NEDD4L: variants seen among roughly 807,000 people sequenced by gnomAD.
NEDD4L encodes E3 ubiquitin-protein ligase NEDD4-like.
Under a neutral mutation model 148.9 loss-of-function variants are expected in NEDD4L, and 54 were observed. That is an observed-to-expected ratio of 0.36 (90% CI 0.29 to 0.45). The LOEUF is 0.45. Ranked by LOEUF, NEDD4L falls within the 20% of genes least tolerant of loss-of-function variation. The probability of loss-of-function intolerance (pLI) is 1.00; values close to 1 mark genes in which losing one functional copy is unlikely to be tolerated. For missense variants in NEDD4L, 856 were observed against 1,233.8 expected (o/e 0.69, Z 4.59); for synonymous variants, 433 against 440.7 (o/e 0.98, Z 0.22).
intron 1 of NEDD4L, among the ~76,000 whole-genome samples, chr18:58,116,521 T>G (rs1568238025): frequency 6.6e-6 from 1 of 152,166 alleles, no homozygotes. Context: ...GCAGCCTAAA[T>G]TTGGGGCCAG....
intron 2 of NEDD4L, among the ~76,000 whole-genome samples, chr18:58,206,465 C>T (rs1469895181): frequency 3.3e-5 from 5 of 152,114 alleles, no homozygotes; most frequent in Non-Finnish European, 2.9e-5. Flanking sequence ...CCAGCAACAT[C>T]GGTTTGAAGA....
At chr18:58,141,700 G>A (rs1184146034) in intron 1 of NEDD4L, among the ~76,000 whole-genome samples, 1 of 152,148 alleles carries the variant, frequency 6.6e-6, no homozygotes, top group East Asian at 1.9e-4. Context: ...CTAGTGTTAA[G>A]AATGCATGTA....
At position 58,044,739 on chromosome 18, in the gene NEDD4L, C is replaced by T. The variant is rs371239651; in HGVS notation, c.48+31C>T. The T allele has an allele frequency of 1.5e-3, 2,331 of 1,599,450 alleles. 2 individuals are homozygous for T. Among genetic ancestry groups the T allele is most frequent in the Admixed American group, 2.7e-3 (161 of 58,742 alleles). On this transcript the variant is annotated intron_variant, in intron 1 of 30. Coordinates refer to ENST00000400345, the MANE Select transcript of NEDD4L (RefSeq NM_001144967.3). ...TGGCACCCCCTTCCTGCTCGGGACTCCCCGGGGAGTTCCTATCCCGCGCCG... is the reference window on the plus strand; with the variant it reads ...TGGCACCCCCTTCCTGCTCGGGACTTCCCGGGGAGTTCCTATCCCGCGCCG...
In NEDD4L at chr18:58,086,524, C is replaced by G. The variant is rs557788900; in HGVS notation, c.48+41816C>G. ...ATGTAGGAAGACAAACCTTTACTTT[C>G]CAAAAATATTAGGGAAAAACTTTCA... On this transcript the variant is annotated intron_variant, in intron 1 of 30. Coordinates refer to ENST00000400345, the MANE Select transcript of NEDD4L (RefSeq NM_001144967.3). Among the ~76,000 whole-genome samples, 69 of 152,234 alleles carry G rather than the reference C, an allele frequency of 4.5e-4. 1 individual carries two copies. The highest frequency in any genetic ancestry group is 8.4e-4 in the Non-Finnish European group (57 of 68,024).
At chr18:58,057,808 C>T (rs1296675847) in intron 1 of NEDD4L, among the ~76,000 whole-genome samples, 1 of 152,178 alleles carries the variant, frequency 6.6e-6, no homozygotes, top group African/African-American at 2.4e-5. Context: ...ATCCCCACCA[C>T]ATCTGCCTTG....
chr18:58,171,706 C>T (rs2037527167), intron 2 of NEDD4L, among the ~76,000 whole-genome samples: 1 of 152,184 alleles, frequency 6.6e-6, no homozygotes, highest in Admixed American at 6.5e-5. Flanking sequence ...ACTTTTTTCT[C>T]ATTGTCATGG....
chr18:58,287,304 G>A (rs143130237), intron 5 of NEDD4L, among the ~76,000 whole-genome samples: 60 of 152,188 alleles, frequency 3.9e-4, no homozygotes, highest in East Asian at 2.7e-3. Context: ...CTTTACAGAC[G>A]AATAGAGGAC....
At chr18:58,174,150 A>G (rs144545689) in intron 2 of NEDD4L, among the ~76,000 whole-genome samples, 97 of 151,062 alleles carry the variant, frequency 6.4e-4, no homozygotes, top group African/African-American at 2.3e-3. Flanking sequence ...GTAGAATTTT[A>G]CTGAGCAATG....
chr18:58,179,410 A>C (rs2038567531), intron 2 of NEDD4L, among the ~76,000 whole-genome samples: 1 of 152,178 alleles, frequency 6.6e-6, no homozygotes, highest in African/African-American at 2.4e-5. Flanking sequence ...GCTAGGGACC[A>C]AAGAGTCGTC....
At chr18:58,187,080 G>A (rs2039558386) in intron 2 of NEDD4L, among the ~76,000 whole-genome samples, 2 of 152,194 alleles carry the variant, frequency 1.3e-5, no homozygotes, top group Non-Finnish European at 1.5e-5. Context: ...AGTGGAGAAG[G>A]CCACTCAGTA....
intron 2 of NEDD4L, among the ~76,000 whole-genome samples, chr18:58,241,507 T>C (rs1008333265): frequency 3.3e-5 from 5 of 150,286 alleles, no homozygotes; most frequent in African/African-American, 1.3e-4. Context: ...GGCAGTGGTA[T>C]CTGGATGGAC....
chr18:58,108,679 C>A (rs564249502), intron 1 of NEDD4L, among the ~76,000 whole-genome samples: 1 of 152,146 alleles, frequency 6.6e-6, no homozygotes, highest in Non-Finnish European at 1.5e-5. Flanking sequence ...CCTCGGCCCC[C>A]CAAAGTGTTG....
At chr18:58,219,249 C>G (rs2043474429) in intron 2 of NEDD4L, among the ~76,000 whole-genome samples, 1 of 152,142 alleles carries the variant, frequency 6.6e-6, no homozygotes, top group African/African-American at 2.4e-5. Flanking sequence ...TTGGAAAGAT[C>G]AAATGTAGCC....
In NEDD4L at chr18:58,339,769, G is replaced by A. The variant is rs1437204061; in HGVS notation, c.1126-1269G>A. 3.3e-5 allele frequency among the ~76,000 whole-genome samples: 5 copies of A among 152,150 alleles called. No homozygotes were observed. The East Asian group carries it at 5.8e-4, about 18-fold the overall frequency. On this transcript the variant is annotated intron_variant, in intron 13 of 30. Coordinates refer to ENST00000400345, the MANE Select transcript of NEDD4L (RefSeq NM_001144967.3). ...GATGGGGTTTTCAAATTACCCGGCA[G>A]CATCCTTGTTGGTGCTTTCTCTAAT... is the stretch of plus-strand genomic sequence containing the variant.
At position 58,383,317 on chromosome 18, in the gene NEDD4L, C is replaced by T. The variant is rs1345548153; in HGVS notation, c.2424C>T (p.Ile808=). 1.1e-5 allele frequency: 17 copies of T among 1,506,178 alleles called. No homozygotes were observed. Among genetic ancestry groups the T allele is most frequent in the East Asian group, 2.4e-5 (1 of 40,912 alleles). 93.3% of individuals were successfully genotyped at this position (1,506,178 alleles called of 1,614,324 possible). ...MVTNENKREY[I]DLVIQWRFVN... ...CAAATGAAAACAAAAGGGAATATAT[C>T]GAGTATGTATACACATATTTACTGC... Residue 808 remains isoleucine, a splice_region_variant and synonymous_variant, in exon 25 of 31, where the codon ATC becomes ATT. Coordinates refer to ENST00000400345, the MANE Select transcript of NEDD4L (RefSeq NM_001144967.3).
At chr18:58,259,784 G>C (rs569315442) in intron 5 of NEDD4L, among the ~76,000 whole-genome samples, 11 of 152,184 alleles carry the variant, frequency 7.2e-5, no homozygotes, top group Non-Finnish European at 1.3e-4. Flanking sequence ...AGAAGAGAGC[G>C]TTCTTTCAGC....
In NEDD4L at chr18:58,362,230, G is replaced by A. The variant is rs1486154118; in HGVS notation, c.1768-2038G>A. On this transcript the variant is annotated intron_variant, in intron 19 of 30. Coordinates refer to ENST00000400345, the MANE Select transcript of NEDD4L (RefSeq NM_001144967.3). ...GCTCCTTGGGGAATTTGTCATTTAA[G>A]ACAGTCGAACTTGCATACACAGTGA... Among the ~76,000 whole-genome samples, 3 of 152,246 alleles carry A rather than the reference G, an allele frequency of 2.0e-5. No homozygotes were observed. In the East Asian group the frequency reaches 5.8e-4, roughly 29 times the overall value.
chr18:58,069,602 G>A (rs1453492161), intron 1 of NEDD4L, among the ~76,000 whole-genome samples: 1 of 152,182 alleles, frequency 6.6e-6, no homozygotes, highest in African/African-American at 2.4e-5. Context: ...AATGGGAAGT[G>A]TTAATGCTGT....
chr18:58,391,422 C>A, intron 29 of NEDD4L, 65 bp from the exon 30 acceptor site: 1 of 1,338,038 alleles, frequency 7.5e-7, no homozygotes, highest in Non-Finnish European at 1.0e-6. Flanking sequence ...GGACTGCAGA[C>A]CACACCATAG....
Sources: allele counts gnomAD v4.1 joint callset (sites outside exome capture counted in the v4.1 genomes callset), GRCh38; gene constraint gnomAD v4.1.1; transcripts MANE v1.5; gene names NCBI Gene and HGNC (gene_info 2026-07-23, HGNC 2026-07-21).